The following P4HTM variants were observed in gnomAD, a reference collection of about 807,000 sequenced individuals.
P4HTM encodes the protein prolyl 4-hydroxylase, transmembrane, also known as transmembrane prolyl 4-hydroxylase.
In P4HTM, 33 loss-of-function variants were observed where a neutral mutation model predicts 55.3. The ratio of observed to expected loss-of-function variants is 0.60; its 90% confidence interval spans 0.45 to 0.80. P4HTM has a LOEUF of 0.80. Among genes scored for constraint, P4HTM ranks in the 30% least tolerant of loss-of-function variants. P4HTM has a pLI of 0.00. For missense variants in P4HTM, 542 were observed against 696.5 expected (o/e 0.78, Z 2.50); for synonymous variants, 272 against 286.4 (o/e 0.95, Z 0.51).
chr3:48,990,385 CGCACCGGTGCGTCCG>C lies in P4HTM; in HGVS notation c.130_144del (p.Ala44_Pro48del). 6.3e-7 allele frequency: 1 copy of C among 1,589,250 alleles called. No homozygotes were observed. The highest frequency in any genetic ancestry group is 8.5e-7 in the Non-Finnish European group (1 of 1,174,120). On this transcript the variant is annotated inframe_deletion, in exon 1 of 9. Coordinates refer to ENST00000383729, the MANE Select transcript of P4HTM (RefSeq NM_177939.3). This position sits in a 1 kb window ranked among gnomAD's most constrained non-coding sequence, Gnocchi z 7.2. ...CGGCCGGGCTGGGCGACGGCGAGGA[CGCACCGGTGCGTCCG>C]CTGTGCAAGCCCCGCGGCATCTGCT...
rs1423272354 is a variant in P4HTM at position 49,005,023 on chromosome 3, T to G, written c.1050T>G (p.Ser350=). 2 of 1,614,088 alleles carry G rather than the reference T, an allele frequency of 1.2e-6. No homozygotes were observed. Among genetic ancestry groups the G allele is most frequent in the Admixed American group, 3.3e-5 (2 of 60,030 alleles). The change falls in exon 6 of 9, where the codon TCT becomes TCG. Residue 350 remains serine (S), a synonymous_variant. Transcript: ENST00000383729. ...CSHTKLVANE[S]VPFETSCRYM... ...ATACCAAGCTGGTAGCCAACGAGTCTGTACCCTTCGAGACCTCCTGCCGGC... is the reference window on the plus strand; with the variant it reads ...ATACCAAGCTGGTAGCCAACGAGTCGGTACCCTTCGAGACCTCCTGCCGGC...
rs2092986351 is a variant in P4HTM, at chr3:49,007,107, A to G, written c.*200A>G. 2.9e-6 allele frequency: 2 copies of G among 682,018 alleles called. No individual in the cohort carries two copies. Among genetic ancestry groups the G allele is most frequent in the South Asian group, 1.9e-5 (1 of 51,290 alleles). The allele number at this position is 682,018 out of a possible 1,614,324, so 42.2% of individuals were successfully genotyped here. A position where few individuals can be genotyped will look rare whatever the true frequency, so the allele number is the denominator to read the frequency against. On this transcript the variant is annotated 3_prime_UTR_variant, in exon 9 of 9. Transcript: ENST00000383729. The surrounding 1 kb of genome is among the most constrained non-coding windows in gnomAD (Gnocchi z 5.1). ...TCTGCCCCGTCAAATAAAAAACCACAAGGTTCGAGCCGCCGGGCCCGACAA... is the reference window on the plus strand; with the variant it reads ...TCTGCCCCGTCAAATAAAAAACCACGAGGTTCGAGCCGCCGGGCCCGACAA...
chr3:49,005,270 G>GTACC, intron 6 of P4HTM: 1 of 1,469,906 alleles, frequency 6.8e-7, no homozygotes, highest in Non-Finnish European at 9.0e-7. Context: ...ACAGACTGAT[G>GTACC]TACCCACAGA....
At chr3:49,000,522 C>T (rs2092958098) in intron 2 of P4HTM, among the ~76,000 whole-genome samples, 4 of 152,226 alleles carry the variant, frequency 2.6e-5, no homozygotes. Context: ...AGCAGTGCTG[C>T]CCTTCCTCCA....
chr3:49,005,943 T>C lies in P4HTM; in HGVS notation c.1164+76T>C. On this transcript the variant is annotated intron_variant, in intron 7 of 8. Transcript: ENST00000383729. Reference sequence around the variant, plus strand: ...AGTGAAGTACACACCTCTCCAGGTCTAAGGATGTGGGCCCAAATTATTCCT... The same window carrying C: ...AGTGAAGTACACACCTCTCCAGGTCCAAGGATGTGGGCCCAAATTATTCCT... The C allele has an allele frequency of 2.6e-6, 4 of 1,539,416 alleles. No individual in the cohort carries two copies. The African/African-American group carries it at 5.5e-5, about 21-fold the overall frequency.
chr3:49,001,242 C>T, intron 2 of P4HTM, 196 bp from the exon 3 acceptor site: 2 of 616,742 alleles, frequency 3.2e-6, no homozygotes, highest in South Asian at 3.7e-5. Context: ...TCCCACATTT[C>T]CAACGCCAGC....
intron 5 of P4HTM, 145 bp downstream of exon 5, chr3:49,004,405 A>C (rs1346183286): frequency 2.3e-6 from 2 of 864,578 alleles, no homozygotes; most frequent in African/African-American, 1.7e-5. Context: ...ATTGGGACCC[A>C]CTGAAAGACA....
chr3:49,004,467 TG>T, intron 5 of P4HTM: 1 of 584,052 alleles, frequency 1.7e-6, no homozygotes, highest in Non-Finnish European at 3.0e-6. Context: ...AATGGGCAAC[TG>T]GGGTTAGATA....
intron 2 of P4HTM, chr3:48,996,071 A>C (rs2092944749): frequency 6.6e-6 from 1 of 152,234 alleles, no homozygotes; most frequent in African/African-American, 2.4e-5. Context: ...TTTGAGGTAA[A>C]TGAGTAATTG....
chr3:49,004,128 T>C lies in P4HTM; in HGVS notation c.755T>C (p.Met252Thr), dbSNP rs754097432. The change falls in exon 5 of 9, where the codon ATG (methionine) becomes ACG (threonine). Residue 252 changes from methionine to threonine, a missense_variant. Physicochemically the swap from Met to Thr is moderately conservative, Grantham distance 81. Transcript: ENST00000383729. ...CTGAGTCTGCAGGAGTTCTCCAACATGGACCTTCGGGACTTCCACAAGTAC... is the reference window on the plus strand; with the variant it reads ...CTGAGTCTGCAGGAGTTCTCCAACACGGACCTTCGGGACTTCCACAAGTAC... ...GVLSLQEFSN[M>T]DLRDFHKYMR... 7.7e-6 allele frequency: 12 copies of C among 1,555,938 alleles called. No homozygotes were observed. In the Middle Eastern group the frequency reaches 1.1e-3, roughly 146 times the overall value.
chr3:48,995,509 A>T (rs966207268), intron 2 of P4HTM, among the ~76,000 whole-genome samples: 1 of 152,170 alleles, frequency 6.6e-6, no homozygotes, highest in Non-Finnish European at 1.5e-5. Flanking sequence ...TCTGCCCACA[A>T]AGGTGAGCTG....
chr3:49,006,349 C>T (rs1436265853), intron 8 of P4HTM, among the ~76,000 whole-genome samples, 162 bp downstream of exon 8: 2 of 152,208 alleles, frequency 1.3e-5, no homozygotes, highest in Non-Finnish European at 2.9e-5. Flanking sequence ...AGCAGACTGC[C>T]CCAGGACCTG....
At chr3:48,993,376 G>A (rs2092936451) in intron 2 of P4HTM, among the ~76,000 whole-genome samples, 1 of 151,822 alleles carries the variant, frequency 6.6e-6, no homozygotes. Context: ...TCAGGAAAGA[G>A]GGGTCCAGGA....
In P4HTM at chr3:49,005,620, G is replaced by T. The variant is rs1026614896; in HGVS notation, c.1074-157G>T. ...GAGACTGGGTTTCGGGGAAGGAGGG[G>T]CTAGGGACATTTTGGCACTGGCCTG... On this transcript the variant is annotated intron_variant, in intron 6 of 8. Transcript: ENST00000383729. 12 of 1,425,242 alleles carry T rather than the reference G, an allele frequency of 8.4e-6. No homozygotes were observed. The African/African-American group carries it at 1.7e-4, about 21-fold the overall frequency. 88.3% of individuals were successfully genotyped at this position (1,425,242 alleles called of 1,614,324 possible).
chr3:48,991,217 G>A, intron 2 of P4HTM: 1 of 332,836 alleles, frequency 3.0e-6, no homozygotes, highest in South Asian at 4.8e-5. Context: ...TCTAGAACTG[G>A]GAGGAAGGTG....
intron 6 of P4HTM, chr3:49,005,512 C>G: frequency 7.4e-7 from 1 of 1,343,218 alleles, no homozygotes; most frequent in Non-Finnish European, 9.5e-7. Flanking sequence ...CTACCTTTCC[C>G]TGCCAGGCCC....
intron 2 of P4HTM, among the ~76,000 whole-genome samples, chr3:48,995,086 C>T (rs2092941685): frequency 1.3e-5 from 2 of 152,186 alleles, no homozygotes; most frequent in South Asian, 4.1e-4. Context: ...CAGACATGAG[C>T]CACCGTGCCC....
rs1576610224 is a variant in P4HTM, at chr3:49,007,053, T to C, written c.*146T>C. 1 of 713,108 alleles carries C rather than the reference T, an allele frequency of 1.4e-6. No homozygotes were observed. Among genetic ancestry groups the C allele is most frequent in the Non-Finnish European group, 2.3e-6 (1 of 432,054 alleles). 44.2% of individuals were successfully genotyped at this position (713,108 alleles called of 1,614,324 possible). ...GCCGCGATACGGCGCAGTTCCTATA[T>C]TCATGTTATTTATTGTGTACTGACT... On this transcript the variant is annotated 3_prime_UTR_variant, in exon 9 of 9. Coordinates refer to ENST00000383729, the MANE Select transcript of P4HTM (RefSeq NM_177939.3). This position sits in a 1 kb window ranked among gnomAD's most constrained non-coding sequence, Gnocchi z 5.1.
rs1411724355 is a variant in P4HTM, at chr3:48,999,442, A to C, written c.437-1996A>C. ...GCCATGGCTTGGGGAATGGGCATGC[A>C]CCTCATGCAGCCCCAGGGAGCCCCT... On this transcript the variant is annotated intron_variant, in intron 2 of 8. Coordinates refer to ENST00000383729, the MANE Select transcript of P4HTM (RefSeq NM_177939.3). The surrounding 1 kb of genome is among the most constrained non-coding windows in gnomAD (Gnocchi z 4.8). The C allele has an allele frequency of 6.0e-6, 1 of 167,128 alleles. No homozygotes were observed. Among genetic ancestry groups the C allele is most frequent in the Non-Finnish European group, 1.5e-5 (1 of 68,296 alleles). The allele number at this position is 167,128 out of a possible 1,614,324, so 10.4% of individuals were successfully genotyped here.
Sources: gnomAD v4.1 joint callset for allele counts (sites outside exome capture counted in the v4.1 genomes callset) on GRCh38, gnomAD v4.1.1 for gene constraint, Gnocchi (gnomAD v3.1) non-coding constraint, MANE v1.5 for transcripts, NCBI Gene and HGNC (gene_info 2026-07-23, HGNC 2026-07-21) for gene names.